The following HEATR5B variants were observed in gnomAD, a reference collection of about 807,000 sequenced individuals.
The protein encoded by HEATR5B is HEAT repeat-containing protein 5B.
HEATR5B carries 156 observed loss-of-function variants against 224.1 expected under a neutral mutation model. The observed-to-expected ratio is 0.70, with a 90% CI of 0.61 to 0.80. The LOEUF (loss-of-function observed/expected upper bound fraction) is 0.80, where lower values mean the gene tolerates loss of function less well. Ranked by LOEUF, HEATR5B falls within the 30% of genes least tolerant of loss-of-function variation. The pLI, the probability that HEATR5B is intolerant of heterozygous loss-of-function variation, is 0.00. For missense variants in HEATR5B, 2,323 were observed against 2,535.5 expected (o/e 0.92, Z 1.80); for synonymous variants, 1,027 against 893.0 (o/e 1.15, Z -2.68).
intron 18 of HEATR5B, among the ~76,000 whole-genome samples, chr2:37,049,258 G>GA (rs918845616): frequency 6.6e-6 from 1 of 152,044 alleles, no homozygotes; most frequent in African/African-American, 2.4e-5. Flanking sequence ...GCAGCAGTTA[G>GA]AAAAAGAATG....
chr2:37,034,879 C>A (rs1018283575), intron 21 of HEATR5B, among the ~76,000 whole-genome samples: 1 of 151,972 alleles, frequency 6.6e-6, no homozygotes, highest in Admixed American at 6.6e-5. Context: ...TTATTTATTC[C>A]TCTTCCTGAA....
chr2:37,024,824 C>T (rs903806172), intron 24 of HEATR5B, among the ~76,000 whole-genome samples: 5 of 152,114 alleles, frequency 3.3e-5, no homozygotes, highest in African/African-American at 1.2e-4. Flanking sequence ...GGAACGAGAG[C>T]GCCACTTTCC....
chr2:37,005,442 A>T (rs1459136073), intron 30 of HEATR5B, among the ~76,000 whole-genome samples, 190 bp downstream of exon 30: 3 of 152,088 alleles, frequency 2.0e-5, no homozygotes, highest in African/African-American at 7.2e-5. Context: ...ACTATCTATA[A>T]CCTCAAACCA....
chr2:37,058,501 C>T lies in HEATR5B; in HGVS notation c.2009G>A (p.Arg670His), dbSNP rs1361119041. 16 of 1,613,264 alleles carry T rather than the reference C, an allele frequency of 9.9e-6. No individual in the cohort carries two copies. Among genetic ancestry groups the T allele is most frequent in the East Asian group, 6.7e-5 (3 of 44,856 alleles). Residue 670 changes from arginine (R) to histidine (H), a missense_variant, in exon 14 of 36, where the codon CGT (arginine) becomes CAT (histidine). Coordinates refer to ENST00000233099, the MANE Select transcript of HEATR5B (RefSeq NM_019024.3). Reference sequence around the variant, plus strand: ...AGCCAAGATATCATAAAGTCTTAAACGGACCATTGCAGCACTAGCTTTCAG... The same window carrying T: ...AGCCAAGATATCATAAAGTCTTAAATGGACCATTGCAGCACTAGCTTTCAG... The part of the protein sequence containing the change: ...AHLKASAAMV[R>H]LRLYDILALL...
chr2:37,057,382 A>G lies in HEATR5B; in HGVS notation c.2158T>C (p.Tyr720His), dbSNP rs375031621. 6.2e-7 allele frequency: 1 copy of G among 1,612,588 alleles called. No homozygotes were observed. Among genetic ancestry groups the G allele is most frequent in the Non-Finnish European group, 8.5e-7 (1 of 1,179,346 alleles). ...GAACCAAGAAGAACACTATCATCAT[A>G]ATGGCAGAGGGATCTGAGGAGGGAA... ...TTSLLRSLCH[Y>H]DDSVLLGSWL... is the part of the protein sequence containing the mutation. Residue 720 changes from tyrosine (Y) to histidine (H), a missense_variant, in exon 15 of 36, where the codon TAT (tyrosine) becomes CAT (histidine). Tyr to His is a moderately conservative substitution (Grantham distance 83). Transcript: ENST00000233099.
chr2:37,027,803 C>T, intron 24 of HEATR5B, 120 bp downstream of exon 24: 1 of 990,516 alleles, frequency 1.0e-6, no homozygotes, highest in Admixed American at 2.4e-5. Context: ...AGAGAACTTA[C>T]AATAAATAAA....
At chr2:37,031,144 A>C (rs970980101) in intron 22 of HEATR5B, among the ~76,000 whole-genome samples, 1 of 152,162 alleles carries the variant, frequency 6.6e-6, no homozygotes, top group African/African-American at 2.4e-5. Flanking sequence ...CTCCATGGGG[A>C]CAGGGCTCTG....
chr2:37,040,484 T>C lies in HEATR5B; in HGVS notation c.2891A>G (p.Asp964Gly). 1 of 1,612,076 alleles carries C rather than the reference T, an allele frequency of 6.2e-7. No homozygotes were observed. Among genetic ancestry groups the C allele is most frequent in the Non-Finnish European group, 8.5e-7 (1 of 1,179,486 alleles). ...GCCACGATACATCGGACCACTAGAA[T>C]CCACTATCAAAGCAAGTGAATGAAG... ...WSLHSLALIV[D>G]SSGPMYRGYV... The change falls in exon 20 of 36, where the codon GAT (aspartate) becomes GGT (glycine). Residue 964 changes from aspartate to glycine, a missense_variant. Around this residue, in one of 12 missense-constraint regions of HEATR5B, gnomAD observed 44 missense variants for 39.0 expected, o/e 1.13. Transcript: ENST00000233099.
chr2:37,032,563 A>G, intron 22 of HEATR5B, 66 bp downstream of exon 22: 3 of 1,305,474 alleles, frequency 2.3e-6, no homozygotes, highest in South Asian at 2.8e-5. Flanking sequence ...TATTTGATAA[A>G]TAGTACTTAA....
chr2:37,039,154 C>G (rs996731726), intron 20 of HEATR5B, among the ~76,000 whole-genome samples: 1 of 150,376 alleles, frequency 6.6e-6, no homozygotes, highest in Non-Finnish European at 1.5e-5. Context: ...TAGTGAGACC[C>G]CCATCTCTTA....
At chr2:36,989,275 G>C (rs757184448) in intron 34 of HEATR5B, among the ~76,000 whole-genome samples, 1 of 152,028 alleles carries the variant, frequency 6.6e-6, no homozygotes, top group Non-Finnish European at 1.5e-5. Flanking sequence ...TAGTAGAGAC[G>C]GGGTTTCACC....
At chr2:37,011,063 C>G (rs1667755066) in intron 27 of HEATR5B, among the ~76,000 whole-genome samples, 1 of 152,152 alleles carries the variant, frequency 6.6e-6, no homozygotes, top group African/African-American at 2.4e-5. Context: ...CTTTTTAATG[C>G]TTTATCTTCT....
intron 18 of HEATR5B, among the ~76,000 whole-genome samples, chr2:37,045,744 T>C (rs1670152512): frequency 6.6e-6 from 1 of 152,178 alleles, no homozygotes; most frequent in African/African-American, 2.4e-5. Flanking sequence ...AAATTGCAAA[T>C]GCTCTCTCCT....
intron 24 of HEATR5B, among the ~76,000 whole-genome samples, chr2:37,024,807 T>G (rs180948937): frequency 4.6e-4 from 70 of 152,322 alleles, no homozygotes; most frequent in African/African-American, 1.6e-3. Context: ...TCTAGGTAAT[T>G]GTTTCTGGAA....
intron 1 of HEATR5B, among the ~76,000 whole-genome samples, chr2:37,083,676 A>G (rs1370562718): frequency 1.3e-5 from 2 of 152,196 alleles, no homozygotes; most frequent in Non-Finnish European, 2.9e-5. Flanking sequence ...AAAAGAAATT[A>G]TTGCCAAAAA....
At chr2:37,081,869 T>C (rs1052439622) in intron 2 of HEATR5B, among the ~76,000 whole-genome samples, 4 of 149,246 alleles carry the variant, frequency 2.7e-5, no homozygotes, top group Non-Finnish European at 5.9e-5. Flanking sequence ...GACACGACAG[T>C]AGAAAAGTAT....
chr2:36,993,471 A>C (rs7600245), intron 33 of HEATR5B, among the ~76,000 whole-genome samples: 39,509 of 151,360 alleles, frequency 0.26, 5,503 homozygotes, highest in Non-Finnish European at 0.3. Flanking sequence ...TAGGAGGTGG[A>C]CGTGGAGGTT....
intron 25 of HEATR5B, among the ~76,000 whole-genome samples, chr2:37,020,089 G>T (rs967327408): frequency 6.6e-6 from 1 of 152,030 alleles, no homozygotes; most frequent in Non-Finnish European, 1.5e-5. Flanking sequence ...ATTTTTAGTA[G>T]AGACAGGGTT....
chr2:37,030,514 G>C (rs1572845625), intron 22 of HEATR5B, among the ~76,000 whole-genome samples: 1 of 152,180 alleles, frequency 6.6e-6, no homozygotes, highest in East Asian at 1.9e-4. Context: ...AATTCCTTAA[G>C]AGGGAATTTC....
Sources: allele counts gnomAD v4.1 joint callset (sites outside exome capture counted in the v4.1 genomes callset), GRCh38; gene constraint gnomAD v4.1.1; regional missense constraint gnomAD v4.1.1; transcripts MANE v1.5; gene names NCBI Gene and HGNC (gene_info 2026-07-23, HGNC 2026-07-21).